Variants in NTM observed in about 807,000 individuals in gnomAD.
NTM encodes the protein neurotrimin.
A neutral mutation model predicts 42.1 loss-of-function variants in NTM; 13 were observed. The ratio of observed to expected loss-of-function variants is 0.31; its 90% CI spans 0.20 to 0.49. The LOEUF (loss-of-function observed/expected upper bound fraction) is 0.49. Ranked by LOEUF, NTM falls within the 20% of genes least tolerant of loss-of-function variation. The pLI is 0.99. For synonymous variants in NTM, 187 were observed against 179.2 expected, an observed-to-expected ratio of 1.04 and a Z score of -0.35; for missense variants, 373 against 452.8, an observed-to-expected ratio of 0.82 and a Z score of 1.60.
chr11:132,021,383 C>G (rs2074302620), intron 2 of NTM, among the ~76,000 whole-genome samples: 1 of 152,108 alleles, frequency 6.6e-6, no homozygotes, highest in African/African-American at 2.4e-5. Context: ...TGGGGACAAT[C>G]AGAGAGTTTC....
At chr11:131,919,777 T>C (rs1281706868) in intron 2 of NTM, among the ~76,000 whole-genome samples, 3 of 152,204 alleles carry the variant, frequency 2.0e-5, no homozygotes, top group Non-Finnish European at 2.9e-5. Flanking sequence ...CATATATGTG[T>C]ATATAATATA....
At chr11:131,429,821 G>C (rs2442100) in intron 1 of NTM, among the ~76,000 whole-genome samples, 122,135 of 152,146 alleles carry the variant, frequency 0.8, 51,547 homozygotes, top group Non-Finnish European at 0.96. Context: ...TACCATAAAC[G>C]TTTCCTGGTC....
chr11:132,319,632 C>G (rs540226625), intron 7 of NTM, among the ~76,000 whole-genome samples: 1 of 152,358 alleles, frequency 6.6e-6, no homozygotes, highest in South Asian at 2.1e-4. Context: ...GAAGCACGAA[C>G]TGGGTGGAGC....
chr11:132,101,828 G>A (rs1409891705), intron 2 of NTM, among the ~76,000 whole-genome samples: 2 of 152,046 alleles, frequency 1.3e-5, no homozygotes, highest in African/African-American at 4.8e-5. Context: ...CTCCAACCTT[G>A]CATCTTCAAA....
chr11:131,688,995 TA>T (rs1399618556), intron 1 of NTM, among the ~76,000 whole-genome samples: 1 of 152,260 alleles, frequency 6.6e-6, no homozygotes, highest in Non-Finnish European at 1.5e-5. Flanking sequence ...AGTTGGTTTT[TA>T]AAAATGCATT....
intron 5 of NTM, among the ~76,000 whole-genome samples, chr11:132,309,270 A>G (rs1379377544): frequency 6.6e-6 from 1 of 152,224 alleles, no homozygotes; most frequent in African/African-American, 2.4e-5. Flanking sequence ...AATGAATGCA[A>G]ACCAAGTGCG....
At chr11:131,906,934 G>T (rs2053950986) in intron 1 of NTM, among the ~76,000 whole-genome samples, 1 of 152,082 alleles carries the variant, frequency 6.6e-6, no homozygotes, top group Admixed American at 6.6e-5. Flanking sequence ...TATTCATAGA[G>T]GAGCAAAAAA....
chr11:131,647,332 A>G (rs545531922), intron 1 of NTM, among the ~76,000 whole-genome samples: 3 of 152,330 alleles, frequency 2.0e-5, no homozygotes, highest in East Asian at 3.9e-4. Flanking sequence ...ATGGACATCA[A>G]TAGGTGATTA....
At chr11:131,987,954 T>G (rs1177431501) in intron 2 of NTM, among the ~76,000 whole-genome samples, 1 of 152,250 alleles carries the variant, frequency 6.6e-6, no homozygotes, top group Non-Finnish European at 1.5e-5. Context: ...GTTGCCTTAG[T>G]CCAATCTGGT....
intron 1 of NTM, among the ~76,000 whole-genome samples, chr11:131,818,679 C>A (rs190052633): frequency 1.1e-4 from 16 of 152,214 alleles, no homozygotes; most frequent in African/African-American, 3.9e-4. Flanking sequence ...AGCTATTGCA[C>A]GTCATTTGTG....
chr11:131,629,353 A>G (rs140307392), intron 1 of NTM, among the ~76,000 whole-genome samples: 1 of 152,284 alleles, frequency 6.6e-6, no homozygotes, highest in East Asian at 1.9e-4. Context: ...CTTTGACCTG[A>G]GCCCAAAGAA....
Position 132,317,686 on chromosome 11 carries a change from G to GCAAGGT in NTM, c.934+2986_934+2991dup, listed in dbSNP as rs778921977. 3.5e-4 allele frequency: 453 copies of GCAAGGT among 1,303,508 alleles called. 1 individual carries two copies. The African/African-American group carries it at 5.6e-3, about 16-fold the overall frequency. 80.7% of individuals were successfully genotyped at this position (1,303,508 alleles called of 1,614,324 possible). On this transcript the variant is annotated intron_variant, in intron 7 of 8. Transcript: ENST00000683400. ...ATGAGCCTACGAGCTCAACTTTGTT[G>GCAAGGT]CAAGGTCAGTATCTTCCTTGCTTTA...
At chr11:131,940,800 A>G (rs1593042547) in intron 2 of NTM, among the ~76,000 whole-genome samples, 1 of 152,352 alleles carries the variant, frequency 6.6e-6, no homozygotes, top group Non-Finnish European at 1.5e-5. Flanking sequence ...TGAATCTGGC[A>G]TGTTGCCCTA....
At chr11:131,471,836 C>A (rs1246136890) in intron 1 of NTM, among the ~76,000 whole-genome samples, 2 of 152,196 alleles carry the variant, frequency 1.3e-5, no homozygotes, top group African/African-American at 2.4e-5. Context: ...CGATCACCAG[C>A]TGCTTGTCTT....
intron 2 of NTM, among the ~76,000 whole-genome samples, chr11:131,911,904 G>A (rs1179757957): frequency 6.6e-6 from 1 of 152,190 alleles, no homozygotes; most frequent in Admixed American, 6.5e-5. Flanking sequence ...AAGGTGAGGG[G>A]TGGCTGGACC....
intron 1 of NTM, among the ~76,000 whole-genome samples, chr11:131,908,613 G>T (rs1467059726): frequency 6.6e-6 from 1 of 152,218 alleles, no homozygotes; most frequent in Non-Finnish European, 1.5e-5. Flanking sequence ...TGAGAGGGAG[G>T]AGCATAAGGG....
At chr11:132,333,134 G>A (rs1024181024) in intron 8 of NTM, among the ~76,000 whole-genome samples, 1 of 152,106 alleles carries the variant, frequency 6.6e-6, no homozygotes, top group Non-Finnish European at 1.5e-5. Context: ...TGTGATTCAC[G>A]CATATGAAGC....
chr11:131,533,437 G>T (rs1300262637), intron 1 of NTM, among the ~76,000 whole-genome samples: 2 of 152,160 alleles, frequency 1.3e-5, no homozygotes, highest in African/African-American at 4.8e-5. Context: ...AGAGAATGGG[G>T]TAGACGTCTC....
intron 2 of NTM, among the ~76,000 whole-genome samples, chr11:131,925,340 AG>A (rs2057792985): frequency 6.6e-6 from 1 of 151,272 alleles, no homozygotes; most frequent in Non-Finnish European, 1.5e-5. Context: ...GAGAAAGAAG[AG>A]AAAACCACTA....
Sources: allele counts gnomAD v4.1 joint callset (sites outside exome capture counted in the v4.1 genomes callset), GRCh38; gene constraint gnomAD v4.1.1; transcripts MANE v1.5; gene names NCBI Gene and HGNC (gene_info 2026-07-23, HGNC 2026-07-21).